The following XXYLT1 variants were observed in gnomAD, a reference collection of about 807,000 sequenced individuals.
XXYLT1 encodes the protein UDP-xylose:alpha-xyloside alpha-1,3-xylosyltransferase.
In XXYLT1, 20 loss-of-function variants were observed where a neutral mutation model predicts 28.9. The observed-to-expected ratio is 0.69, with a 90% CI of 0.49 to 1.00. The LOEUF is 1.00. Among genes scored for constraint, XXYLT1 ranks in the 50% least tolerant of loss-of-function variants. The pLI is 0.00. For synonymous variants in XXYLT1, 257 were observed against 253.8 expected (o/e 1.01, Z -0.12); for missense variants, 542 against 560.1 (o/e 0.97, Z 0.33).
At chr3:195,238,989 C>T (rs1052783715) in intron 1 of XXYLT1, among the ~76,000 whole-genome samples, 2 of 152,166 alleles carry the variant, frequency 1.3e-5, no homozygotes, top group Admixed American at 6.5e-5. Context: ...CCCTACTGGC[C>T]CCATCTCACC....
chr3:195,088,385 C>A (rs576635812), intron 3 of XXYLT1, among the ~76,000 whole-genome samples: 4 of 146,840 alleles, frequency 2.7e-5, no homozygotes, highest in Admixed American at 6.9e-5. Flanking sequence ...CCCCTGACCC[C>A]CGAGCAGCCT....
intron 1 of XXYLT1, among the ~76,000 whole-genome samples, chr3:195,242,352 C>A (rs988497286): frequency 9.9e-5 from 15 of 152,120 alleles, no homozygotes; most frequent in African/African-American, 3.6e-4. Context: ...GACAGAAGAC[C>A]CGGGCTACAA....
chr3:195,145,322 G>A (rs996869802), intron 3 of XXYLT1, among the ~76,000 whole-genome samples: 2 of 151,636 alleles, frequency 1.3e-5, no homozygotes, highest in South Asian at 2.1e-4. Context: ...GGGGCCCTGC[G>A]AGCATCTCTG....
intron 3 of XXYLT1, among the ~76,000 whole-genome samples, chr3:195,109,990 T>G (rs1717429823): frequency 2.2e-5 from 1 of 45,612 alleles, no homozygotes; most frequent in Non-Finnish European, 5.1e-5. Context: ...TGGGTGGGGG[T>G]GTGTGCATGG....
intron 2 of XXYLT1, among the ~76,000 whole-genome samples, chr3:195,177,275 T>C (rs752061883): frequency 1.1e-4 from 17 of 152,216 alleles, no homozygotes; most frequent in Non-Finnish European, 2.2e-4. Context: ...CACAGAGGTA[T>C]GGACTGTATC....
intron 2 of XXYLT1, among the ~76,000 whole-genome samples, chr3:195,177,845 T>G (rs113789950): frequency 0.039 from 5,908 of 150,824 alleles, 386 homozygotes; most frequent in African/African-American, 0.14. Context: ...TGAAGTGGGG[T>G]AATTGCTTGA....
chr3:195,098,423 C>G (rs545256574), intron 3 of XXYLT1, among the ~76,000 whole-genome samples: 77 of 152,152 alleles, frequency 5.1e-4, no homozygotes, highest in East Asian at 5.8e-4. Flanking sequence ...CGTGGTGGTG[C>G]GCGCCTGTAG....
At chr3:195,149,221 A>C (rs1294052661) in intron 3 of XXYLT1, among the ~76,000 whole-genome samples, 1 of 152,158 alleles carries the variant, frequency 6.6e-6, no homozygotes, top group Non-Finnish European at 1.5e-5. Context: ...ACACACACAC[A>C]CCCCCTGATA....
At chr3:195,092,247 C>T (rs1466536190) in intron 3 of XXYLT1, among the ~76,000 whole-genome samples, 1 of 142,234 alleles carries the variant, frequency 7.0e-6, no homozygotes, top group Non-Finnish European at 1.5e-5. Context: ...AAGAACAAAG[C>T]TGGAGGCATC....
At position 195,247,960 on chromosome 3, in the gene XXYLT1, C is replaced by G. The variant is rs562203993; in HGVS notation, c.505-21104G>C. 6 of 554,058 alleles carry G rather than the reference C, an allele frequency of 1.1e-5. No homozygotes were observed. In the East Asian group the frequency reaches 1.9e-4, roughly 18 times the overall value. The allele number at this position is 554,058 out of a possible 1,614,324, so 34.3% of individuals were successfully genotyped here. A position where few individuals can be genotyped will look rare whatever the true frequency, so the allele number is the denominator to read the frequency against. The stretch of plus-strand genomic sequence containing the variant: ...GGAAGTCCCGCCCCTGTGGTCCAAT[C>G]ACCTCCCACCAGGCCCTTCCTCTGA... On this transcript the variant is annotated intron_variant, in intron 1 of 3. Transcript: ENST00000310380.
At chr3:195,120,267 C>T (rs1438286028) in intron 3 of XXYLT1, among the ~76,000 whole-genome samples, 41 of 136,436 alleles carry the variant, frequency 3.0e-4, no homozygotes, top group African/African-American at 1.1e-3. Context: ...CCCACCACTG[C>T]CCTCTGCTGC....
rs115474720 is a variant in XXYLT1 at position 195,150,225 on chromosome 3, T to C, written c.785+6224A>G. On this transcript the variant is annotated intron_variant, in intron 3 of 3. Coordinates refer to ENST00000310380, the MANE Select transcript of XXYLT1 (RefSeq NM_152531.5). The surrounding 1 kb of genome is among the most constrained non-coding windows in gnomAD (Gnocchi z 4.7). ...TTCAATCTCCCTCAACTCTGCCACA[T>C]ATAGTGTTATAATCTCCATTTCTCA... 2.0e-5 allele frequency among the ~76,000 whole-genome samples: 3 copies of C among 152,204 alleles called. No homozygotes were observed. Among genetic ancestry groups the C allele is most frequent in the Non-Finnish European group, 2.9e-5 (2 of 68,046 alleles).
intron 3 of XXYLT1, among the ~76,000 whole-genome samples, chr3:195,143,831 G>GATATAGATATATATATAGATATAGATAT (rs1207239570): frequency 1.5e-5 from 1 of 65,700 alleles, no homozygotes; most frequent in African/African-American, 6.1e-5. Context: ...GATATATATA[G>GATATAGATATATATATAGATATAGATAT]ATATAGATAT....
chr3:195,206,157 C>A (rs980210953), intron 2 of XXYLT1, among the ~76,000 whole-genome samples: 2 of 151,458 alleles, frequency 1.3e-5, no homozygotes, highest in Non-Finnish European at 2.9e-5. Flanking sequence ...ACTACAGGCC[C>A]CCACCACCAC....
chr3:195,185,171 A>C (rs1722140511), intron 2 of XXYLT1, among the ~76,000 whole-genome samples: 1 of 151,878 alleles, frequency 6.6e-6, no homozygotes, highest in Non-Finnish European at 1.5e-5. Flanking sequence ...AAGAAAAGGA[A>C]AGGAAAGGGG....
rs1033270303 is a variant in XXYLT1 at position 195,180,398 on chromosome 3, G to A, written c.653-23817C>T. On this transcript the variant is annotated intron_variant, in intron 2 of 3. Coordinates refer to ENST00000310380, the MANE Select transcript of XXYLT1 (RefSeq NM_152531.5). The surrounding 1 kb of genome is among the most constrained non-coding windows in gnomAD (Gnocchi z 5.8). ...CTGGCCCTCAAGACACACTTCCTTC[G>A]GCTGCAGCCTCGCCGATTCCCGAGC... The A allele has an allele frequency of 4.6e-5, 45 of 985,406 alleles. No individual in the cohort carries two copies. Among genetic ancestry groups the A allele is most frequent in the Admixed American group, 1.8e-4 (3 of 16,266 alleles). The allele number at this position is 985,406 out of a possible 1,614,324, so 61.0% of individuals were successfully genotyped here. A position where few individuals can be genotyped will look rare whatever the true frequency, so the allele number is the denominator to read the frequency against.
At chr3:195,214,792 C>T (rs558789564) in intron 2 of XXYLT1, 21 of 152,278 alleles carry the variant, frequency 1.4e-4, no homozygotes, top group African/African-American at 5.1e-4. Flanking sequence ...TACTGGTGCT[C>T]GCTTCGGCAG....
Position 195,197,512 on chromosome 3 carries a change from G to A in XXYLT1, c.652+29197C>T, listed in dbSNP as rs137987238. Among the ~76,000 whole-genome samples, 3 of 151,248 alleles carry A rather than the reference G, an allele frequency of 2.0e-5. No homozygotes were observed. In the East Asian group the frequency reaches 5.8e-4, roughly 29 times the overall value. ...AGGACAGACTGAGAACCAAATATTA[G>A]TGGCATTATAGTGAAATGTTATTCT... On this transcript the variant is annotated intron_variant, in intron 2 of 3. Coordinates refer to ENST00000310380, the MANE Select transcript of XXYLT1 (RefSeq NM_152531.5).
intron 1 of XXYLT1, among the ~76,000 whole-genome samples, chr3:195,248,425 G>A (rs543405069): frequency 3.9e-5 from 6 of 152,286 alleles, no homozygotes; most frequent in Non-Finnish European, 8.8e-5. Context: ...TAAGTCTCAT[G>A]AAATCTGATG....
Sources: gnomAD v4.1 joint callset for allele counts (sites outside exome capture counted in the v4.1 genomes callset) on GRCh38, gnomAD v4.1.1 for gene constraint, Gnocchi (gnomAD v3.1) non-coding constraint, MANE v1.5 for transcripts, NCBI Gene and HGNC (gene_info 2026-07-23, HGNC 2026-07-21) for gene names.